Variants in SLCO3A1 observed in about 807,000 individuals in gnomAD.
SLCO3A1 encodes solute carrier organic anion transporter family member 3A1.
Under a neutral mutation model 63.1 loss-of-function variants are expected in SLCO3A1, and 27 were observed. The observed-to-expected ratio is 0.43, with a 90% confidence interval of 0.32 to 0.59. The LOEUF (loss-of-function observed/expected upper bound fraction) is 0.59, where lower values mean the gene tolerates loss of function less well. Among genes scored for constraint, SLCO3A1 ranks in the 20% least tolerant of loss-of-function variants. The pLI is 0.09. For synonymous variants in SLCO3A1, 473 were observed against 409.9 expected (o/e 1.15, Z -1.86); for missense variants, 773 against 945.8 (o/e 0.82, Z 2.40).
chr15:91,951,941 C>A (rs894493324), intron 2 of SLCO3A1, among the ~76,000 whole-genome samples: 4 of 152,138 alleles, frequency 2.6e-5, no homozygotes, highest in African/African-American at 9.7e-5. Flanking sequence ...TGTTGTAACT[C>A]TAGGTTTAAC....
intron 2 of SLCO3A1, among the ~76,000 whole-genome samples, chr15:92,026,267 C>G (rs1418769203): frequency 6.6e-6 from 1 of 152,166 alleles, no homozygotes; most frequent in Non-Finnish European, 1.5e-5. Flanking sequence ...GAAACAAGAG[C>G]CTTGGCTTTC....
intron 2 of SLCO3A1, among the ~76,000 whole-genome samples, chr15:92,022,929 C>G (rs1000286227): frequency 1.3e-5 from 2 of 152,176 alleles, no homozygotes; most frequent in Admixed American, 1.3e-4. Flanking sequence ...GCAGTGCTAC[C>G]TGCAGTCAGG....
chr15:92,026,030 G>A (rs76103102), intron 2 of SLCO3A1, among the ~76,000 whole-genome samples: 2,421 of 152,278 alleles, frequency 0.016, 60 homozygotes, highest in African/African-American at 0.054. Context: ...CCAGGTCAGC[G>A]CATCCCTGAG....
chr15:92,119,794 C>T (rs557315859), intron 4 of SLCO3A1, among the ~76,000 whole-genome samples: 24 of 152,098 alleles, frequency 1.6e-4, no homozygotes, highest in Non-Finnish European at 2.8e-4. Context: ...GACTGCTACT[C>T]AGGGAATTAT....
chr15:92,091,191 A>T (rs1298705205), intron 2 of SLCO3A1, among the ~76,000 whole-genome samples: 1 of 152,188 alleles, frequency 6.6e-6, no homozygotes, highest in Non-Finnish European at 1.5e-5. Context: ...AATGGCTTCC[A>T]GGAGATCAGG....
intron 2 of SLCO3A1, among the ~76,000 whole-genome samples, chr15:92,028,426 A>G (rs996215847): frequency 2.0e-5 from 3 of 152,198 alleles, no homozygotes; most frequent in African/African-American, 7.2e-5. Context: ...TGCTTCACTC[A>G]GCAAAAGTAT....
intron 2 of SLCO3A1, among the ~76,000 whole-genome samples, chr15:92,067,229 G>A (rs1249232224): frequency 4.6e-5 from 7 of 152,190 alleles, no homozygotes; most frequent in Admixed American, 4.6e-4. Context: ...GCAGGGGTAG[G>A]AGGATGTTTG....
intron 2 of SLCO3A1, among the ~76,000 whole-genome samples, chr15:91,997,298 G>A (rs2176453): frequency 0.14 from 21,364 of 152,150 alleles, 1,945 homozygotes; most frequent in East Asian, 0.32. Context: ...GCCTCTAACC[G>A]TGGAGGTGAA....
chr15:92,008,637 A>G (rs958654934), intron 2 of SLCO3A1, among the ~76,000 whole-genome samples: 2 of 152,196 alleles, frequency 1.3e-5, no homozygotes, highest in African/African-American at 4.8e-5. Context: ...ATCAGGTTTA[A>G]AATTCTGTGT....
chr15:92,089,216 C>G (rs1281224192), intron 2 of SLCO3A1, among the ~76,000 whole-genome samples: 1 of 152,026 alleles, frequency 6.6e-6, no homozygotes, highest in Non-Finnish European at 1.5e-5. Context: ...TTAGTAGAGA[C>G]AGGGTTTCAC....
chr15:92,082,469 C>A (rs978271525), intron 2 of SLCO3A1, among the ~76,000 whole-genome samples: 2 of 152,138 alleles, frequency 1.3e-5, no homozygotes, highest in Admixed American at 6.5e-5. Flanking sequence ...GGGGCAGAGT[C>A]ACAGCCAACC....
chr15:91,999,512 A>G (rs1294532729), intron 2 of SLCO3A1, among the ~76,000 whole-genome samples: 2 of 152,238 alleles, frequency 1.3e-5, no homozygotes, highest in Non-Finnish European at 2.9e-5. Flanking sequence ...CCTCACTAGT[A>G]GTCAAGAAAG....
chr15:92,131,615 G>A (rs993302500), intron 7 of SLCO3A1, among the ~76,000 whole-genome samples: 4 of 145,212 alleles, frequency 2.8e-5, no homozygotes, highest in South Asian at 2.2e-4. Context: ...TGATCCACCC[G>A]TCTCGGCCTC....
intron 2 of SLCO3A1, among the ~76,000 whole-genome samples, chr15:91,929,330 C>T (rs747683013): frequency 3.3e-5 from 5 of 152,126 alleles, no homozygotes; most frequent in Non-Finnish European, 7.3e-5. Flanking sequence ...CACATTTTCC[C>T]GAAGTCATTG....
At chr15:91,906,527 C>A (rs1024251386) in intron 1 of SLCO3A1, among the ~76,000 whole-genome samples, 2 of 152,198 alleles carry the variant, frequency 1.3e-5, no homozygotes, top group Non-Finnish European at 2.9e-5. Flanking sequence ...AAGCCCAATT[C>A]AGTGAAAACA....
At chr15:91,884,169 A>T (rs1268139799) in intron 1 of SLCO3A1, among the ~76,000 whole-genome samples, 1 of 152,110 alleles carries the variant, frequency 6.6e-6, no homozygotes, top group South Asian at 2.1e-4. Context: ...AGTTAGAGAA[A>T]TTTTCTCCCT....
chr15:91,932,623 A>G (rs1597133497), intron 2 of SLCO3A1, among the ~76,000 whole-genome samples: 1 of 152,200 alleles, frequency 6.6e-6, no homozygotes, highest in South Asian at 2.1e-4. Context: ...TTGTAAGTTT[A>G]GTAGAGATGA....
intron 2 of SLCO3A1, among the ~76,000 whole-genome samples, chr15:92,057,973 G>A (rs2047041407): frequency 6.6e-6 from 1 of 152,184 alleles, no homozygotes; most frequent in African/African-American, 2.4e-5. Flanking sequence ...TTTATTGTAA[G>A]TATGATACAT....
chr15:91,952,639 T>C (rs1423753746), intron 2 of SLCO3A1, among the ~76,000 whole-genome samples: 1 of 152,244 alleles, frequency 6.6e-6, no homozygotes, highest in Non-Finnish European at 1.5e-5. Context: ...AATGAAAGAC[T>C]GGAGTGCAGA....
Sources: allele counts gnomAD v4.1 joint callset (sites outside exome capture counted in the v4.1 genomes callset), GRCh38; gene constraint gnomAD v4.1.1; transcripts MANE v1.5; gene names NCBI Gene and HGNC (gene_info 2026-07-23, HGNC 2026-07-21).